The following KCNQ5 variants were observed in gnomAD, a reference collection of about 807,000 sequenced individuals.
KCNQ5 encodes potassium voltage-gated channel subfamily KQT member 5.
KCNQ5 carries 30 observed loss-of-function variants against 98.2 expected under a neutral mutation model. That is an observed-to-expected ratio of 0.31 (90% CI 0.23 to 0.41). The LOEUF (loss-of-function observed/expected upper bound fraction) is 0.41. KCNQ5 is among the 10% of genes least tolerant of loss of function. The pLI is 1.00. For synonymous variants in KCNQ5, 458 were observed against 449.4 expected, an observed-to-expected ratio of 1.02 and a Z score of -0.24; for missense variants, 835 against 1,182.5, an observed-to-expected ratio of 0.71 and a Z score of 4.31.
At chr6:72,791,177 C>T (rs1033595599) in intron 1 of KCNQ5, among the ~76,000 whole-genome samples, 2 of 152,134 alleles carry the variant, frequency 1.3e-5, no homozygotes, top group Admixed American at 6.6e-5. Flanking sequence ...AAAGAGCCAG[C>T]CACAGGAGGA....
intron 2 of KCNQ5, among the ~76,000 whole-genome samples, chr6:73,028,459 C>G (rs1189062955): frequency 6.6e-6 from 1 of 152,178 alleles, no homozygotes; most frequent in African/African-American, 2.4e-5. Context: ...GTTCCTTGTT[C>G]CTTTTTCCTT....
intron 1 of KCNQ5, among the ~76,000 whole-genome samples, 183 bp from the exon 2 acceptor site, chr6:73,003,725 C>T (rs1769694769): frequency 6.6e-6 from 1 of 152,058 alleles, no homozygotes; most frequent in African/African-American, 2.4e-5. Context: ...GCAGAGGAGC[C>T]CCATTTGCAC....
At chr6:72,948,967 C>T (rs1766672106) in intron 1 of KCNQ5, among the ~76,000 whole-genome samples, 1 of 151,958 alleles carries the variant, frequency 6.6e-6, no homozygotes, top group Non-Finnish European at 1.5e-5. Context: ...TTTATTTTTT[C>T]ACTCTTTTTT....
At position 72,935,145 on chromosome 6, in the gene KCNQ5, G is replaced by A. The variant is rs774522434; in HGVS notation, c.399-68763G>A. ...GAGTGCAATGGCGTGATCTTGGCTC[G>A]CTGCAACCTCCACCTCCCAGGTTCA... On this transcript the variant is annotated intron_variant, in intron 1 of 13. Transcript: ENST00000370398. Among the ~76,000 whole-genome samples, 8 of 140,082 alleles carry A rather than the reference G, an allele frequency of 5.7e-5. No homozygotes were observed. The South Asian group carries it at 1.3e-3, about 24-fold the overall frequency. 91.9% of individuals were successfully genotyped at this position (140,082 alleles called of 152,430 possible).
At chr6:72,631,536 G>C (rs548544236) in intron 1 of KCNQ5, among the ~76,000 whole-genome samples, 9 of 152,296 alleles carry the variant, frequency 5.9e-5, no homozygotes, top group African/African-American at 2.2e-4. Flanking sequence ...GAAATGTAGA[G>C]AGTGGTTTAG....
rs377388312 is a variant in KCNQ5, at chr6:73,052,520, A to G, written c.616+10458A>G. On this transcript the variant is annotated intron_variant, in intron 3 of 13. Coordinates refer to ENST00000370398, the MANE Select transcript of KCNQ5 (RefSeq NM_019842.4). The stretch of plus-strand genomic sequence containing the variant: ...GCAGGCCACCTCCCAAGGAAACCCC[A>G]TCAGGCTAACAGCACACCTTTCAGC... Among the ~76,000 whole-genome samples, 18 of 152,350 alleles carry G rather than the reference A, an allele frequency of 1.2e-4. No homozygotes were observed. In the East Asian group the frequency reaches 1.9e-3, roughly 16 times the overall value.
intron 1 of KCNQ5, among the ~76,000 whole-genome samples, chr6:72,820,503 G>C (rs1176437139): frequency 2.0e-5 from 3 of 150,300 alleles, no homozygotes; most frequent in African/African-American, 7.3e-5. Flanking sequence ...TTTGTAAGTT[G>C]ATTTAATAGG....
At chr6:73,053,363 T>C (rs1171360169) in intron 3 of KCNQ5, among the ~76,000 whole-genome samples, 1 of 152,026 alleles carries the variant, frequency 6.6e-6, no homozygotes, top group African/African-American at 2.4e-5. Context: ...AACAAAGAAA[T>C]TCAGGACCTG....
At chr6:72,748,036 G>A (rs997918826) in intron 1 of KCNQ5, among the ~76,000 whole-genome samples, 3 of 152,090 alleles carry the variant, frequency 2.0e-5, no homozygotes, top group East Asian at 1.9e-4. Context: ...ATACATCTCC[G>A]AAAAGTGTAA....
intron 5 of KCNQ5, among the ~76,000 whole-genome samples, chr6:73,082,588 C>A (rs1341515817): frequency 6.6e-6 from 1 of 152,176 alleles, no homozygotes; most frequent in Non-Finnish European, 1.5e-5. Flanking sequence ...CTTCTCATCT[C>A]TTACACACAC....
At chr6:73,066,254 T>C (rs1372829329) in intron 3 of KCNQ5, among the ~76,000 whole-genome samples, 1 of 152,194 alleles carries the variant, frequency 6.6e-6, no homozygotes, top group Non-Finnish European at 1.5e-5. Context: ...TTAATAATAC[T>C]TTACTTCTTG....
At chr6:73,192,490 C>T in intron 12 of KCNQ5, 75 bp from the exon 13 acceptor site, 2 of 1,307,360 alleles carry the variant, frequency 1.5e-6, no homozygotes, top group Non-Finnish European at 2.0e-6. Context: ...ATTTTTTTTT[C>T]CAAAACTCTT....
At chr6:72,884,902 G>A (rs956266544) in intron 1 of KCNQ5, among the ~76,000 whole-genome samples, 1 of 152,138 alleles carries the variant, frequency 6.6e-6, no homozygotes, top group Admixed American at 6.6e-5. Flanking sequence ...ACAGGCGTGA[G>A]CCACCTTGCC....
Position 72,749,428 on chromosome 6 carries a change from G to A in KCNQ5, c.398+126841G>A, listed in dbSNP as rs142149854. Among the ~76,000 whole-genome samples the A allele has an allele frequency of 5.9e-5, 9 of 151,970 alleles. No homozygotes were observed. The East Asian group carries it at 1.7e-3, about 29-fold the overall frequency. On this transcript the variant is annotated intron_variant, in intron 1 of 13. Coordinates refer to ENST00000370398, the MANE Select transcript of KCNQ5 (RefSeq NM_019842.4). ...TCATTGGTTAGTCACTTAATTTTCAGCTACCTCTGTTTATTGGAATAATGT... is the reference window on the plus strand; with the variant it reads ...TCATTGGTTAGTCACTTAATTTTCAACTACCTCTGTTTATTGGAATAATGT...
At chr6:72,674,319 C>A (rs902572375) in intron 1 of KCNQ5, among the ~76,000 whole-genome samples, 1 of 151,814 alleles carries the variant, frequency 6.6e-6, no homozygotes, top group Non-Finnish European at 1.5e-5. Flanking sequence ...TCAAGAGATG[C>A]TAAATGGAGA....
chr6:72,675,155 C>A (rs1767344849), intron 1 of KCNQ5, among the ~76,000 whole-genome samples: 1 of 152,134 alleles, frequency 6.6e-6, no homozygotes, highest in South Asian at 2.1e-4. Flanking sequence ...AAAAAATTTT[C>A]TCTGGTTGTA....
chr6:72,876,769 G>A (rs1347745203), intron 1 of KCNQ5, among the ~76,000 whole-genome samples: 1 of 152,122 alleles, frequency 6.6e-6, no homozygotes, highest in Non-Finnish European at 1.5e-5. Context: ...TATCACAGAA[G>A]CAAAATAACC....
chr6:72,959,777 A>C (rs78393260), intron 1 of KCNQ5, among the ~76,000 whole-genome samples: 4,592 of 152,266 alleles, frequency 0.03, 230 homozygotes, highest in African/African-American at 0.1. Context: ...TTGGTGAATG[A>C]AATTTTATAA....
intron 1 of KCNQ5, among the ~76,000 whole-genome samples, chr6:72,961,294 T>C (rs1204116089): frequency 3.3e-5 from 5 of 152,086 alleles, no homozygotes; most frequent in Non-Finnish European, 7.4e-5. Context: ...ACCACAAGCA[T>C]TTTTTGGAAA....
Sources: allele counts gnomAD v4.1 joint callset (sites outside exome capture counted in the v4.1 genomes callset), GRCh38; gene constraint gnomAD v4.1.1; transcripts MANE v1.5; gene names NCBI Gene and HGNC (gene_info 2026-07-23, HGNC 2026-07-21).